GPC3: variants seen among roughly 807,000 people sequenced by gnomAD.
GPC3 encodes the protein glypican 3.
Under a neutral mutation model 34.4 loss-of-function variants are expected in GPC3, and 3 were observed. The ratio of observed to expected loss-of-function variants is 0.09; its 90% CI spans 0.04 to 0.23. GPC3 has a LOEUF of 0.23. Ranked by LOEUF, GPC3 falls within the 10% of genes least tolerant of loss-of-function variation. The pLI, the probability that GPC3 is intolerant of heterozygous loss-of-function variation, is 1.00. For missense variants in GPC3, 351 were observed against 445.6 expected, an observed-to-expected ratio of 0.79 and a Z score of 1.91; for synonymous variants, 177 against 174.0, an observed-to-expected ratio of 1.02 and a Z score of -0.13.
At chrX:133,727,102 T>C (rs1403190681) in intron 3 of GPC3, among the ~76,000 whole-genome samples, 1 of 112,177 alleles carries the variant, frequency 8.9e-6, no homozygotes, top group Admixed American at 9.4e-5. Flanking sequence ...TTCCACTTTA[T>C]GTGTTTGTGG....
chrX:133,901,458 TTG>T (rs1208630847), intron 2 of GPC3, among the ~76,000 whole-genome samples: 1 of 111,323 alleles, frequency 9.0e-6, no homozygotes, highest in Non-Finnish European at 1.9e-5. Flanking sequence ...TATTTTATTT[TTG>T]AGACAGAATC....
chrX:133,815,609 T>C (rs1456147529), intron 2 of GPC3, among the ~76,000 whole-genome samples: 1 of 112,473 alleles, frequency 8.9e-6, no homozygotes, highest in African/African-American at 3.2e-5. Flanking sequence ...TCCTTAAAAC[T>C]TGAACTCCTG....
intron 5 of GPC3, among the ~76,000 whole-genome samples, chrX:133,689,124 C>CTTCCTTCTTACCTCCCTTCT (rs1468425142): frequency 2.7e-5 from 3 of 110,754 alleles, no homozygotes; most frequent in African/African-American, 9.8e-5. Context: ...TTCATCCTTC[C>CTTCCTTCTTACCTCCCTTCT]TTCCTTCTTA....
intron 4 of GPC3, among the ~76,000 whole-genome samples, chrX:133,695,700 ATAAAG>A (rs971819651): frequency 2.7e-5 from 3 of 112,490 alleles, no homozygotes; most frequent in Non-Finnish European, 5.6e-5. Flanking sequence ...ATCTTCTAAA[ATAAAG>A]TATTTTGTTT....
At chrX:133,578,563 C>T (rs1273625587) in intron 7 of GPC3, among the ~76,000 whole-genome samples, 1 of 111,921 alleles carries the variant, frequency 8.9e-6, no homozygotes, top group African/African-American at 3.2e-5. Context: ...CCTGTAGTCC[C>T]AGCTACTCAG....
At chrX:133,863,602 AACACAC>A (rs58143389) in intron 2 of GPC3, among the ~76,000 whole-genome samples, 1 of 97,059 alleles carries the variant, frequency 1.0e-5, no homozygotes, top group Non-Finnish European at 2.1e-5. Flanking sequence ...CACCAACATC[AACACAC>A]ACACACACAC....
In GPC3 at chrX:133,850,940, C is replaced by CA. The variant is rs10710959; in HGVS notation, c.338-96765dup. Among the ~76,000 whole-genome samples the CA allele has an allele frequency of 5.9e-3, 557 of 95,120 alleles. 3 individuals carry two copies. The highest frequency in any genetic ancestry group is 0.023 in the South Asian group (47 of 2,009). 82.6% of individuals were successfully genotyped at this position (95,120 alleles called of 115,157 possible). Reference sequence around the variant, plus strand: ...AGAAACCCCATCTCTACTAAAAATACAAAAAAAAAAAAAATTAGCTAGGCG... The same window carrying CA: ...AGAAACCCCATCTCTACTAAAAATACAAAAAAAAAAAAAAATTAGCTAGGCG... On this transcript the variant is annotated intron_variant, in intron 2 of 7. Coordinates refer to ENST00000370818, the MANE Select transcript of GPC3 (RefSeq NM_004484.4).
In GPC3 at chrX:133,727,537, C is replaced by G. The variant is rs371301825; in HGVS notation, c.1032+25945G>C. ...TGCACTCCAGCCTGGGCAAAAAGAA[C>G]GAAACACTGTCTCAAAAAAAAAAAA... On this transcript the variant is annotated intron_variant, in intron 3 of 7. Coordinates refer to ENST00000370818, the MANE Select transcript of GPC3 (RefSeq NM_004484.4). Among the ~76,000 whole-genome samples the G allele has an allele frequency of 2.8e-5, 3 of 107,010 alleles. No individual in the cohort carries two copies. In the East Asian group the frequency reaches 8.6e-4, roughly 31 times the overall value. The allele number at this position is 107,010 out of a possible 115,157, so 92.9% of individuals were successfully genotyped here.
intron 2 of GPC3, among the ~76,000 whole-genome samples, chrX:133,815,271 A>T (rs2075685024): frequency 9.3e-6 from 1 of 107,455 alleles, no homozygotes; most frequent in Non-Finnish European, 1.9e-5. Context: ...AATACTCTCC[A>T]TCTCTTTCCT....
rs1362785844 is a variant in GPC3, at chrX:133,692,472, A to T, written c.1189T>A (p.Ser397Thr). Residue 397 changes from serine to threonine, a missense_variant, in exon 5 of 8, where the codon TCT (serine) becomes ACT (threonine). Ser to Thr is a moderately conservative substitution (Grantham distance 58). Coordinates refer to ENST00000370818, the MANE Select transcript of GPC3 (RefSeq NM_004484.4). ...AAAGCACTATAGAAGCTGATGAAAG[A>T]CTTCAACTTCTGAATTAGTTCCCTA... ...RRRELIQKLK[S>T]FISFYSALPG... The T allele has an allele frequency of 1.7e-6, 2 of 1,204,392 alleles. No homozygotes were observed. Among genetic ancestry groups the T allele is most frequent in the South Asian group, 3.5e-5 (2 of 56,852 alleles).
At chrX:133,568,566 A>G (rs1001779307) in intron 7 of GPC3, among the ~76,000 whole-genome samples, 4 of 112,128 alleles carry the variant, frequency 3.6e-5, no homozygotes, top group African/African-American at 1.3e-4. Flanking sequence ...GCTGTTATCT[A>G]TTGTGTTACA....
intron 3 of GPC3, among the ~76,000 whole-genome samples, chrX:133,705,435 G>A (rs1195350227): frequency 9.0e-6 from 1 of 111,464 alleles, no homozygotes; most frequent in Non-Finnish European, 1.9e-5. Context: ...CAAGTGATCT[G>A]CCCACCTTGG....
intron 2 of GPC3, among the ~76,000 whole-genome samples, chrX:133,882,264 T>C (rs780680427): frequency 9.9e-5 from 11 of 111,539 alleles, no homozygotes; most frequent in Non-Finnish European, 2.1e-4. Flanking sequence ...GAGTCGATTT[T>C]CATCTGCCAC....
chrX:133,706,503 C>T (rs1200822519), intron 3 of GPC3, among the ~76,000 whole-genome samples: 1 of 109,564 alleles, frequency 9.1e-6, no homozygotes, highest in Non-Finnish European at 1.9e-5. Context: ...AATAAATCAA[C>T]AAGCAAAAAA....
intron 6 of GPC3, among the ~76,000 whole-genome samples, chrX:133,635,016 T>C (rs2070404858): frequency 9.0e-6 from 1 of 111,134 alleles, no homozygotes; most frequent in Non-Finnish European, 1.9e-5. Context: ...TGTCCTAGCA[T>C]TCAACCACCT....
Position 133,878,061 on chromosome X carries a change from T to G in GPC3, c.337+74989A>C, listed in dbSNP as rs78490736. On this transcript the variant is annotated intron_variant, in intron 2 of 7. Transcript: ENST00000370818. ...ATTTTAACTTACTTTTTTTCTCTAT[T>G]TTGAAAATTATATGAGATATTTGGA... Among the ~76,000 whole-genome samples the G allele has an allele frequency of 4.3e-4, 48 of 112,334 alleles. 1 individual carries two copies. The East Asian group carries it at 0.013, about 31-fold the overall frequency.
chrX:133,726,611 ACTCT>A (rs1252516099), intron 3 of GPC3, among the ~76,000 whole-genome samples: 1 of 110,211 alleles, frequency 9.1e-6, no homozygotes, highest in Admixed American at 9.7e-5. Context: ...GCAGGCAGTC[ACTCT>A]CTTATTACCT....
intron 2 of GPC3, among the ~76,000 whole-genome samples, chrX:133,936,912 T>C (rs73568936): frequency 0.015 from 1,639 of 111,769 alleles, 30 homozygotes; most frequent in African/African-American, 0.051. Flanking sequence ...GGCTAAAAAT[T>C]ACAGCCTTTG....
intron 2 of GPC3, among the ~76,000 whole-genome samples, chrX:133,897,071 T>C (rs927475807): frequency 1.8e-5 from 2 of 109,372 alleles, no homozygotes; most frequent in Non-Finnish European, 3.8e-5. Context: ...CACGCCCAGC[T>C]AATTTTTTGT....
Sources: gnomAD v4.1 joint callset for allele counts (sites outside exome capture counted in the v4.1 genomes callset) on GRCh38, gnomAD v4.1.1 for gene constraint, MANE v1.5 for transcripts, NCBI Gene and HGNC (gene_info 2026-07-23, HGNC 2026-07-21) for gene names.